The following CAST variants were observed in gnomAD, a reference collection of about 807,000 sequenced individuals.
CAST encodes the protein calpastatin, also known as MIR583 host.
A neutral mutation model predicts 119.6 loss-of-function variants in CAST; 76 were observed. The observed-to-expected ratio is 0.64, with a 90% CI of 0.53 to 0.77. CAST has a LOEUF of 0.77. CAST is among the 30% of genes least tolerant of loss of function. The pLI is 0.00. For synonymous variants in CAST, 319 were observed against 331.6 expected, an observed-to-expected ratio of 0.96 and a Z score of 0.41; for missense variants, 953 against 946.5, an observed-to-expected ratio of 1.01 and a Z score of -0.09.
rs373556002 is a variant in CAST, at chr5:96,767,407, T to A, written c.2131-31T>A. 5 of 1,588,012 alleles carry A rather than the reference T, an allele frequency of 3.1e-6. No individual in the cohort carries two copies. The Admixed American group carries it at 8.4e-5, about 27-fold the overall frequency. On this transcript the variant is annotated intron_variant, in intron 27 of 31. Coordinates refer to ENST00000675179, the MANE Select transcript of CAST (RefSeq NM_001750.7). ...CTAAGTAAACCTTTACAGATATCTA[T>A]GCTTAACCAATAGTCTGCCTTCTTT...
At chr5:96,084,581 A>G in the CAST span, among the ~76,000 whole-genome samples, 1 of 152,246 alleles carries the variant, frequency 6.6e-6, no homozygotes, top group Non-Finnish European at 1.5e-5. Context: ...CTTCTGGCTA[A>G]TTGGATCAGA....
chr5:96,080,378 A>G, the CAST span, among the ~76,000 whole-genome samples: 1 of 152,204 alleles, frequency 6.6e-6, no homozygotes, highest in African/African-American at 2.4e-5. Flanking sequence ...ACTTGACAAA[A>G]TCTCACTACT....
the CAST span, chr5:96,415,903 T>C: frequency 2.9e-6 from 2 of 699,016 alleles, no homozygotes; most frequent in Admixed American, 2.0e-5. Context: ...TCAAGTCCTG[T>C]AGCAACTTTG....
the CAST span, among the ~76,000 whole-genome samples, chr5:96,128,749 T>C: frequency 6.6e-6 from 1 of 152,106 alleles, no homozygotes; most frequent in Non-Finnish European, 1.5e-5. Flanking sequence ...CATTAGAGCT[T>C]AATTATCTTG....
At chr5:96,665,036 C>A (rs1490347034) in intron 1 of CAST, among the ~76,000 whole-genome samples, 1 of 152,184 alleles carries the variant, frequency 6.6e-6, no homozygotes, top group East Asian at 1.9e-4. Flanking sequence ...ATGCTTTTAA[C>A]CCTGTTTTGT....
chr5:96,544,409 C>G (rs1171002421), intron 1 of CAST, among the ~76,000 whole-genome samples: 1 of 152,132 alleles, frequency 6.6e-6, no homozygotes, highest in Non-Finnish European at 1.5e-5. Flanking sequence ...ATTCCAGCCA[C>G]ATTGTTATAA....
chr5:96,413,963 CAAAAAAAAAAA>C, the CAST span, among the ~76,000 whole-genome samples: 17 of 22,430 alleles, frequency 7.6e-4, no homozygotes, highest in South Asian at 5.2e-3. Flanking sequence ...ACTAAAAATA[CAAAAAAAAAAA>C]AAAAAAAAAA....
the CAST span, among the ~76,000 whole-genome samples, chr5:96,033,975 T>C: frequency 6.6e-6 from 1 of 151,922 alleles, no homozygotes; most frequent in South Asian, 2.1e-4. Context: ...AATCACCCAA[T>C]TAAAAAATGC....
chr5:96,747,145 G>T (rs1581245029), intron 17 of CAST, among the ~76,000 whole-genome samples, 200 bp from the exon 18 acceptor site: 1 of 151,994 alleles, frequency 6.6e-6, no homozygotes, highest in African/African-American at 2.4e-5. Context: ...TGTGCATTCT[G>T]CTTGGTAACA....
At chr5:96,565,698 C>T (rs1198487061) in intron 1 of CAST, among the ~76,000 whole-genome samples, 1 of 150,540 alleles carries the variant, frequency 6.6e-6, no homozygotes, top group Non-Finnish European at 1.5e-5. Context: ...TCTAATTTTT[C>T]CTAAGGCAGC....
At chr5:96,373,483 C>T in the CAST span, among the ~76,000 whole-genome samples, 5 of 152,134 alleles carry the variant, frequency 3.3e-5, no homozygotes, top group Non-Finnish European at 7.4e-5. Flanking sequence ...AGGATGTGTC[C>T]ATTTGTCTTT....
the CAST span, among the ~76,000 whole-genome samples, chr5:96,232,300 C>G: frequency 1.3e-5 from 2 of 152,142 alleles, no homozygotes; most frequent in East Asian, 3.9e-4. Flanking sequence ...ATAGAGAAAA[C>G]TGATACAAAA....
intron 15 of CAST, 116 bp from the exon 16 acceptor site, chr5:96,742,539 A>T: frequency 1.4e-6 from 1 of 702,716 alleles, no homozygotes. Flanking sequence ...TTTCTAGAGC[A>T]CTTCCCCAAT....
the CAST span, among the ~76,000 whole-genome samples, chr5:96,107,386 A>G: frequency 1.1e-4 from 16 of 151,020 alleles, no homozygotes; most frequent in Admixed American, 8.6e-4. Flanking sequence ...CATGTTTAGC[A>G]CTTCCTTCAG....
In CAST at chr5:96,730,841, C is replaced by G; in HGVS notation, c.611C>G (p.Ser204Cys). 1 of 1,613,530 alleles carries G rather than the reference C, an allele frequency of 6.2e-7. No homozygotes were observed. Residue 204 changes from serine (S) to cysteine (C), a missense_variant, in exon 9 of 32, where the codon TCT becomes TGT. Physicochemically the swap from Ser to Cys is moderately radical, Grantham distance 112. Transcript: ENST00000675179. ...AGTGTTGCTGGTATCACTGCAATAT[C>G]TGGCAAGCCGGGTGACAAGGTGAGC... Reference protein sequence around the residue: ...GESVAGITAISGKPGDKKKEK... With the variant: ...GESVAGITAICGKPGDKKKEK...
At chr5:96,381,326 A>C in the CAST span, among the ~76,000 whole-genome samples, 1 of 152,150 alleles carries the variant, frequency 6.6e-6, no homozygotes, top group East Asian at 1.9e-4. Flanking sequence ...CCATTTTTAA[A>C]TACAGAAAGT....
the CAST span, among the ~76,000 whole-genome samples, chr5:96,180,000 GAGAC>G: frequency 6.6e-6 from 1 of 151,540 alleles, no homozygotes; most frequent in Non-Finnish European, 1.5e-5. Context: ...TGCAGCCTGG[GAGAC>G]AGAGCGAGAC....
the CAST span, among the ~76,000 whole-genome samples, chr5:96,495,045 G>T: frequency 6.6e-6 from 1 of 151,456 alleles, no homozygotes; most frequent in Non-Finnish European, 1.5e-5. Flanking sequence ...TTGAACCCGG[G>T]AGGCGGAGGT....
At chr5:96,749,016 A>G (rs933624903) in intron 19 of CAST, among the ~76,000 whole-genome samples, 1 of 152,110 alleles carries the variant, frequency 6.6e-6, no homozygotes, top group Non-Finnish European at 1.5e-5. Flanking sequence ...GGAGTTTCCC[A>G]TCCCTACAAA....
Sources: gnomAD v4.1 joint callset for allele counts (sites outside exome capture counted in the v4.1 genomes callset) on GRCh38, gnomAD v4.1.1 for gene constraint, MANE v1.5 for transcripts, NCBI Gene and HGNC (gene_info 2026-07-23, HGNC 2026-07-21) for gene names.